MGAT4C: variants seen among roughly 807,000 people sequenced by gnomAD.
The protein encoded by MGAT4C is alpha-1,3-mannosyl-glycoprotein 4-beta-N-acetylglucosaminyltransferase C.
Under a neutral mutation model 40.1 loss-of-function variants are expected in MGAT4C, and 19 were observed. That is an observed-to-expected ratio of 0.47 (90% CI 0.33 to 0.70). The LOEUF is 0.70. Ranked by LOEUF, MGAT4C falls within the 30% of genes least tolerant of loss-of-function variation. The pLI is 0.02. For missense variants in MGAT4C, 491 were observed against 563.2 expected (o/e 0.87, Z 1.30); for synonymous variants, 181 against 187.1 (o/e 0.97, Z 0.27).
intron 2 of MGAT4C, among the ~76,000 whole-genome samples, chr12:86,586,000 G>A (rs1165081028): frequency 6.7e-6 from 1 of 149,202 alleles, no homozygotes; most frequent in African/African-American, 2.5e-5. Flanking sequence ...TGCACAATGT[G>A]CAGGTTAGTT....
chr12:86,430,834 G>C (rs186634262), intron 3 of MGAT4C, among the ~76,000 whole-genome samples: 1 of 152,236 alleles, frequency 6.6e-6, no homozygotes, highest in Non-Finnish European at 1.5e-5. Context: ...GAGAGGATTT[G>C]GGACTCTTTG....
chr12:86,397,560 G>A (rs1265995551), intron 3 of MGAT4C, among the ~76,000 whole-genome samples: 1 of 151,856 alleles, frequency 6.6e-6, no homozygotes, highest in Admixed American at 6.6e-5. Flanking sequence ...GATATCTTAT[G>A]TTTATTCACC....
At chr12:86,554,944 G>A (rs1024705587) in intron 2 of MGAT4C, among the ~76,000 whole-genome samples, 10 of 152,106 alleles carry the variant, frequency 6.6e-5, no homozygotes, top group African/African-American at 9.6e-5. Flanking sequence ...GAGGTAACCC[G>A]AATTCCTTAG....
intron 2 of MGAT4C, among the ~76,000 whole-genome samples, chr12:86,589,445 T>C (rs71195691): frequency 6.6e-6 from 1 of 151,890 alleles, no homozygotes; most frequent in African/African-American, 2.4e-5. Context: ...CAGGACCAGA[T>C]GGATTCACAG....
chr12:86,022,181 T>C (rs934086066), intron 2 of MGAT4C, among the ~76,000 whole-genome samples: 1 of 152,250 alleles, frequency 6.6e-6, no homozygotes, highest in African/African-American at 2.4e-5. Flanking sequence ...AATATGCAGC[T>C]TAACTAGAAC....
At chr12:86,709,712 C>T (rs1950525450) in intron 2 of MGAT4C, among the ~76,000 whole-genome samples, 1 of 152,052 alleles carries the variant, frequency 6.6e-6, no homozygotes, top group South Asian at 2.1e-4. Flanking sequence ...TCCCTCTCTG[C>T]CTGAACATTT....
intron 2 of MGAT4C, among the ~76,000 whole-genome samples, chr12:86,710,696 A>G (rs1424822623): frequency 6.6e-6 from 1 of 152,214 alleles, no homozygotes; most frequent in Non-Finnish European, 1.5e-5. Flanking sequence ...GTATCTACCC[A>G]AAGGAAAAAA....
At chr12:86,575,253 C>CAATT (rs71078912) in intron 2 of MGAT4C, among the ~76,000 whole-genome samples, 128,960 of 151,510 alleles carry the variant, frequency 0.85, 55,418 homozygotes, top group South Asian at 0.96. Context: ...TTAAAATACA[C>CAATT]AAGTTATTAA....
chr12:86,254,625 T>C, intron 1 of MGAT4C, among the ~76,000 whole-genome samples: 1 of 152,060 alleles, frequency 6.6e-6, no homozygotes, highest in Non-Finnish European at 1.5e-5. Context: ...AAAAAATTCA[T>C]TTCAAAGCAG....
intron 1 of MGAT4C, among the ~76,000 whole-genome samples, chr12:86,153,964 T>G (rs1428454990): frequency 6.6e-6 from 1 of 152,194 alleles, no homozygotes; most frequent in African/African-American, 2.4e-5. Context: ...AAAAATAGAT[T>G]ATGATGTTAT....
intron 2 of MGAT4C, among the ~76,000 whole-genome samples, chr12:86,576,833 G>C (rs1287151771): frequency 6.6e-6 from 1 of 151,504 alleles, no homozygotes; most frequent in East Asian, 1.9e-4. Context: ...ATTCATTTTA[G>C]GATCTTATTT....
intron 2 of MGAT4C, among the ~76,000 whole-genome samples, chr12:86,712,306 G>T (rs945336581): frequency 6.6e-6 from 1 of 151,974 alleles, no homozygotes; most frequent in Admixed American, 6.6e-5. Context: ...ATATATAAAA[G>T]GATGGCATAG....
intron 2 of MGAT4C, among the ~76,000 whole-genome samples, chr12:86,669,058 G>A (rs950387296): frequency 6.6e-5 from 10 of 152,088 alleles, no homozygotes; most frequent in South Asian, 2.1e-4. Flanking sequence ...CCAACAACCC[G>A]AGCCACACCA....
intron 2 of MGAT4C, among the ~76,000 whole-genome samples, chr12:86,578,477 G>A (rs779572755): frequency 2.0e-5 from 3 of 151,794 alleles, no homozygotes; most frequent in Non-Finnish European, 4.4e-5. Flanking sequence ...GTAGAATTCA[G>A]AAGTGAAGGC....
chr12:86,136,725 G>C (rs1438576575), intron 1 of MGAT4C, among the ~76,000 whole-genome samples: 1 of 151,658 alleles, frequency 6.6e-6, no homozygotes, highest in Non-Finnish European at 1.5e-5. Context: ...TTTTGCTCTT[G>C]TCATCCGGTC....
chr12:86,106,453 A>G (rs1265833567), intron 1 of MGAT4C, among the ~76,000 whole-genome samples: 1 of 152,094 alleles, frequency 6.6e-6, no homozygotes, highest in East Asian at 1.9e-4. Flanking sequence ...CGTTCCCGCC[A>G]GGATGCCTGG....
At chr12:86,764,298 G>A (rs561395731) in intron 1 of MGAT4C, among the ~76,000 whole-genome samples, 1 of 152,148 alleles carries the variant, frequency 6.6e-6, no homozygotes, top group Non-Finnish European at 1.5e-5. Flanking sequence ...CAAGGCGGCA[G>A]CGAGGCTGGG....
intron 2 of MGAT4C, among the ~76,000 whole-genome samples, chr12:86,716,094 T>C (rs1416255585): frequency 6.6e-6 from 1 of 152,166 alleles, no homozygotes; most frequent in African/African-American, 2.4e-5. Context: ...TGTTTGTTAC[T>C]ATTGTGAAAA....
At chr12:86,192,186 T>C (rs1305212800) in intron 1 of MGAT4C, among the ~76,000 whole-genome samples, 1 of 151,782 alleles carries the variant, frequency 6.6e-6, no homozygotes, top group Non-Finnish European at 1.5e-5. Flanking sequence ...GGCACATGTA[T>C]ACATATGTAA....
Sources: allele counts gnomAD v4.1 joint callset (sites outside exome capture counted in the v4.1 genomes callset), GRCh38; gene constraint gnomAD v4.1.1; transcripts MANE v1.5; gene names NCBI Gene and HGNC (gene_info 2026-07-23, HGNC 2026-07-21).